CTNNA3: variants seen among roughly 807,000 people sequenced by gnomAD.
CTNNA3 encodes catenin alpha-3.
CTNNA3 carries 76 observed loss-of-function variants against 95.7 expected under a neutral mutation model. The ratio of observed to expected loss-of-function variants is 0.79; its 90% CI spans 0.66 to 0.96. CTNNA3 has a LOEUF of 0.96. Among genes scored for constraint, CTNNA3 ranks in the 40% least tolerant of loss-of-function variants. The pLI, the probability that CTNNA3 is intolerant of heterozygous loss-of-function variation, is 0.00. For missense variants in CTNNA3, 1,191 were observed against 1,089.8 expected (o/e 1.09, Z -1.31); for synonymous variants, 431 against 374.4 (o/e 1.15, Z -1.74).
At chr10:66,203,787 GA>G (rs1484089306) in intron 13 of CTNNA3, among the ~76,000 whole-genome samples, 6 of 152,166 alleles carry the variant, frequency 3.9e-5, no homozygotes, top group African/African-American at 1.4e-4. Flanking sequence ...TTCATTAACT[GA>G]AATTCAAATG....
intron 7 of CTNNA3, among the ~76,000 whole-genome samples, chr10:66,789,745 T>C (rs1223058756): frequency 6.6e-6 from 1 of 152,170 alleles, no homozygotes; most frequent in East Asian, 1.9e-4. Context: ...TAAATAGTAA[T>C]GTGACGTGGG....
chr10:67,684,838 C>A (rs1250942811), intron 1 of CTNNA3, among the ~76,000 whole-genome samples: 1 of 152,120 alleles, frequency 6.6e-6, no homozygotes, highest in Non-Finnish European at 1.5e-5. Flanking sequence ...TGTCATGGGA[C>A]CTAGAAAAGG....
intron 1 of CTNNA3, among the ~76,000 whole-genome samples, chr10:67,710,245 T>C (rs1841100017): frequency 6.6e-6 from 1 of 151,836 alleles, no homozygotes; most frequent in African/African-American, 2.4e-5. Context: ...ACTATTTAAG[T>C]CCCAAACATG....
At chr10:66,448,386 A>T (rs1168006218) in intron 11 of CTNNA3, among the ~76,000 whole-genome samples, 3 of 152,194 alleles carry the variant, frequency 2.0e-5, no homozygotes, top group Admixed American at 6.6e-5. Flanking sequence ...ACATATGTTT[A>T]TTGCGGCACT....
intron 9 of CTNNA3, among the ~76,000 whole-genome samples, chr10:66,691,574 A>T (rs534375677): frequency 7.5e-4 from 114 of 152,304 alleles, no homozygotes; most frequent in Non-Finnish European, 1.4e-3. Context: ...CTGCAGACTT[A>T]AATGTCCCTC....
intron 7 of CTNNA3, among the ~76,000 whole-genome samples, chr10:66,942,634 C>T (rs1401053987): frequency 6.6e-6 from 1 of 151,268 alleles, no homozygotes; most frequent in Non-Finnish European, 1.5e-5. Flanking sequence ...CTCTCTCTTT[C>T]CCTTTTTTCT....
chr10:66,794,524 C>A (rs1464327818), intron 7 of CTNNA3, among the ~76,000 whole-genome samples: 1 of 152,144 alleles, frequency 6.6e-6, no homozygotes. Context: ...AAAATGCTAA[C>A]AGCCATATGA....
At chr10:66,738,630 A>T (rs1217980230) in intron 9 of CTNNA3, among the ~76,000 whole-genome samples, 1 of 152,208 alleles carries the variant, frequency 6.6e-6, no homozygotes, top group Non-Finnish European at 1.5e-5. Context: ...CGATTTGAAC[A>T]AGGGGATCTT....
chr10:66,744,016 A>G lies in CTNNA3; in HGVS notation c.1281+22248T>C, dbSNP rs144448509. 4.6e-3 allele frequency among the ~76,000 whole-genome samples: 675 copies of G among 146,120 alleles called. 8 individuals are homozygous for G. Among genetic ancestry groups the G allele is most frequent in the African/African-American group, 0.016 (642 of 39,894 alleles). ...AAAAAAAAAGGAAAGAAGGAGGAAG[A>G]GGAGGAAAAGCAGAAAGAGGGAAGA... On this transcript the variant is annotated intron_variant, in intron 9 of 17. Coordinates refer to ENST00000433211, the MANE Select transcript of CTNNA3 (RefSeq NM_013266.4).
At chr10:67,758,773 TA>T (rs59280830) in intron 1 of CTNNA3, among the ~76,000 whole-genome samples, 134,394 of 151,924 alleles carry the variant, frequency 0.88, 60,092 homozygotes, top group East Asian at 0.99. Context: ...TGATTTGGTT[TA>T]AAAAAAAATA....
chr10:67,740,296 A>C lies in CTNNA3; in HGVS notation c.-2+23138T>G, dbSNP rs7904607. Among the ~76,000 whole-genome samples, 1,184 of 152,252 alleles carry C rather than the reference A, an allele frequency of 7.8e-3. 19 individuals carry two copies. Among genetic ancestry groups the C allele is most frequent in the African/African-American group, 0.027 (1,134 of 41,564 alleles). On this transcript the variant is annotated intron_variant, in intron 1 of 17. Coordinates refer to the CTNNA3 transcript ENST00000684154. ...CCAAAAGCAATGGCAACAAAAGCCA[A>C]AATTGACAAATGGGATCTAATTAAA...
intron 6 of CTNNA3, among the ~76,000 whole-genome samples, chr10:67,201,980 G>C (rs1564968243): frequency 6.6e-6 from 1 of 152,258 alleles, no homozygotes; most frequent in East Asian, 1.9e-4. Flanking sequence ...GAAAACATAA[G>C]ACATTTTTGC....
intron 11 of CTNNA3, among the ~76,000 whole-genome samples, chr10:66,413,373 C>G (rs72806787): frequency 1.4e-3 from 194 of 140,660 alleles, no homozygotes; most frequent in Admixed American, 2.4e-3. Context: ...AAGCCCTGCA[C>G]TAGAAGGTTA....
At chr10:66,133,804 A>G (rs1319219308) in intron 13 of CTNNA3, among the ~76,000 whole-genome samples, 1 of 152,182 alleles carries the variant, frequency 6.6e-6, no homozygotes, top group African/African-American at 2.4e-5. Context: ...GAATGAGGTT[A>G]GGAAAACTGT....
intron 2 of CTNNA3, among the ~76,000 whole-genome samples, chr10:67,638,961 G>C (rs1409592922): frequency 6.6e-6 from 1 of 152,066 alleles, no homozygotes; most frequent in African/African-American, 2.4e-5. Context: ...AGAGAAGCAA[G>C]AGCAAACACA....
chr10:66,892,988 TTC>T (rs1308596921), intron 7 of CTNNA3, among the ~76,000 whole-genome samples: 1 of 152,144 alleles, frequency 6.6e-6, no homozygotes, highest in East Asian at 1.9e-4. Context: ...GCTCATGTTT[TTC>T]TCTTTCACTT....
intron 13 of CTNNA3, among the ~76,000 whole-genome samples, chr10:66,103,688 T>A (rs181110733): frequency 1.3e-5 from 2 of 151,764 alleles, no homozygotes; most frequent in African/African-American, 4.8e-5. Flanking sequence ...TCTATAGCAA[T>A]AGAGATTTAA....
intron 11 of CTNNA3, among the ~76,000 whole-genome samples, chr10:66,456,040 A>G (rs1156664351): frequency 6.6e-6 from 1 of 152,208 alleles, no homozygotes; most frequent in African/African-American, 2.4e-5. Flanking sequence ...TGATTAAAAG[A>G]TATCAAAGGG....
chr10:66,988,146 T>C (rs967171326), intron 7 of CTNNA3, among the ~76,000 whole-genome samples: 3 of 152,156 alleles, frequency 2.0e-5, no homozygotes, highest in Non-Finnish European at 2.9e-5. Flanking sequence ...CCAATTCCTT[T>C]GTAACTTGCT....
Sources: gnomAD v4.1 joint callset for allele counts (sites outside exome capture counted in the v4.1 genomes callset) on GRCh38, gnomAD v4.1.1 for gene constraint, MANE v1.5 for transcripts, NCBI Gene and HGNC (gene_info 2026-07-23, HGNC 2026-07-21) for gene names.